MYT1L: variants seen among roughly 807,000 people sequenced by gnomAD.
The protein encoded by MYT1L is myelin transcription factor 1-like protein.
MYT1L carries 12 observed loss-of-function variants against 126.7 expected under a neutral mutation model. The ratio of observed to expected loss-of-function variants is 0.09; its 90% CI spans 0.06 to 0.15. The LOEUF (loss-of-function observed/expected upper bound fraction) is 0.15. Among genes scored for constraint, MYT1L ranks in the 10% least tolerant of loss-of-function variants. The pLI is 1.00. For missense variants in MYT1L, 979 were observed against 1,585.2 expected (o/e 0.62, Z 6.49); for synonymous variants, 541 against 604.2 (o/e 0.90, Z 1.53).
At chr2:1,993,843 G>T (rs978002491) in intron 5 of MYT1L, among the ~76,000 whole-genome samples, 1 of 152,110 alleles carries the variant, frequency 6.6e-6, no homozygotes, top group African/African-American at 2.4e-5. Context: ...CACGTGTCTC[G>T]TCATTTCCTG....
intron 2 of MYT1L, among the ~76,000 whole-genome samples, chr2:2,257,152 G>A (rs1227205780): frequency 6.6e-6 from 1 of 152,040 alleles, no homozygotes; most frequent in Non-Finnish European, 1.5e-5. Flanking sequence ...GGCTGATCAG[G>A]GCACCCCACT....
intron 2 of MYT1L, among the ~76,000 whole-genome samples, chr2:2,196,620 GAA>G (rs1364115972): frequency 6.6e-6 from 1 of 151,694 alleles, no homozygotes; most frequent in Non-Finnish European, 1.5e-5. Context: ...CAAATAGGGG[GAA>G]GTAGTTGGAG....
rs565609175 is a variant in MYT1L, at chr2:2,230,504, T to A, written c.-421+53900A>T. ...CAGAATTCTTGTTCGGTGACTATTA[T>A]GGGTCTTGCTGAGTTAGGATGGTAG... is the stretch of plus-strand genomic sequence containing the variant. On this transcript the variant is annotated intron_variant, in intron 2 of 24. Transcript: ENST00000647738. Among the ~76,000 whole-genome samples the A allele has an allele frequency of 7.9e-5, 12 of 152,362 alleles. No individual in the cohort carries two copies. The East Asian group carries it at 2.3e-3, about 29-fold the overall frequency.
rs1412482129 is a variant in MYT1L, at chr2:2,239,568, G to A, written c.-421+44836C>T. On this transcript the variant is annotated intron_variant, in intron 2 of 24. Coordinates refer to ENST00000647738, the MANE Select transcript of MYT1L (RefSeq NM_001303052.2). ...AAACTCTGAAGTCGGGATGGGCAAC[G>A]TCCTTCGGGGTTTACATGGGGGATA... 3.9e-5 allele frequency among the ~76,000 whole-genome samples: 6 copies of A among 152,212 alleles called. No homozygotes were observed. In the East Asian group the frequency reaches 5.8e-4, roughly 15 times the overall value.
chr2:2,046,930 T>C (rs971927878), intron 4 of MYT1L, among the ~76,000 whole-genome samples: 4 of 152,234 alleles, frequency 2.6e-5, no homozygotes, highest in South Asian at 2.1e-4. Context: ...TTGGAAGTTA[T>C]GGTGTCATGA....
At chr2:2,185,105 G>C (rs1476550050) in intron 2 of MYT1L, among the ~76,000 whole-genome samples, 3 of 152,054 alleles carry the variant, frequency 2.0e-5, no homozygotes, top group Non-Finnish European at 2.9e-5. Flanking sequence ...TCACCAGCCA[G>C]CAACTCTTCC....
chr2:2,323,818 A>G (rs1415977816), intron 1 of MYT1L, among the ~76,000 whole-genome samples: 1 of 152,228 alleles, frequency 6.6e-6, no homozygotes, highest in Non-Finnish European at 1.5e-5. Context: ...GTTGCTGGTT[A>G]AATTAGCTAA....
chr2:1,904,912 G>A (rs2050839978), intron 13 of MYT1L, among the ~76,000 whole-genome samples: 1 of 151,668 alleles, frequency 6.6e-6, no homozygotes, highest in Non-Finnish European at 1.5e-5. Flanking sequence ...TCCTGCCTCA[G>A]CCTCTCGAGT....
intron 4 of MYT1L, among the ~76,000 whole-genome samples, chr2:2,033,001 C>T (rs1240484954): frequency 7.0e-6 from 1 of 142,618 alleles, no homozygotes; most frequent in Non-Finnish European, 1.5e-5. Context: ...CACCCCCTCG[C>T]CAGTGCCTCT....
At chr2:1,827,421 G>A (rs1184633471) in intron 21 of MYT1L, 2 of 152,180 alleles carry the variant, frequency 1.3e-5, no homozygotes, top group African/African-American at 4.8e-5. Context: ...CACCGGGCCT[G>A]GAGGAGCCCC....
chr2:2,282,192 T>G (rs1005667136), intron 2 of MYT1L, among the ~76,000 whole-genome samples: 1 of 152,242 alleles, frequency 6.6e-6, no homozygotes, highest in African/African-American at 2.4e-5. Context: ...ATCTGGATCA[T>G]GTTCTATCAT....
intron 4 of MYT1L, among the ~76,000 whole-genome samples, chr2:2,046,993 T>G (rs2068261812): frequency 6.6e-6 from 1 of 152,234 alleles, no homozygotes; most frequent in South Asian, 2.1e-4. Flanking sequence ...CTGAATTGTC[T>G]TCCATATCCT....
chr2:1,886,300 C>T (rs2048163862), intron 18 of MYT1L: 1 of 376,966 alleles, frequency 2.7e-6, no homozygotes. Context: ...TAGGATATCC[C>T]AGATAGGAAG....
chr2:2,190,817 C>T (rs2148736229), intron 2 of MYT1L, among the ~76,000 whole-genome samples: 1 of 152,254 alleles, frequency 6.6e-6, no homozygotes, highest in Admixed American at 6.5e-5. Context: ...CAGAGTTTCA[C>T]TCTTGTTTCC....
chr2:1,924,231 C>T (rs150037917), intron 9 of MYT1L, among the ~76,000 whole-genome samples: 1 of 152,326 alleles, frequency 6.6e-6, no homozygotes, highest in African/African-American at 2.4e-5. Flanking sequence ...TTATCTCAAA[C>T]ATATTCTGTT....
intron 13 of MYT1L, among the ~76,000 whole-genome samples, chr2:1,909,875 C>T (rs1322215056): frequency 6.6e-6 from 1 of 152,168 alleles, no homozygotes; most frequent in African/African-American, 2.4e-5. Context: ...TGGTGTGAGG[C>T]CCTATCCTGC....
At chr2:1,996,842 G>A (rs2061912994) in intron 5 of MYT1L, among the ~76,000 whole-genome samples, 1 of 146,326 alleles carries the variant, frequency 6.8e-6, no homozygotes, top group South Asian at 2.2e-4. Flanking sequence ...AGTGTAGACG[G>A]GCCGCCTTTA....
intron 2 of MYT1L, among the ~76,000 whole-genome samples, chr2:2,268,438 G>C (rs1211827311): frequency 2.0e-5 from 3 of 152,160 alleles, no homozygotes; most frequent in Admixed American, 2.0e-4. Flanking sequence ...TTTATTTTAA[G>C]GTCAGTTTTT....
intron 3 of MYT1L, among the ~76,000 whole-genome samples, chr2:2,122,748 G>A (rs1001505025): frequency 9.9e-5 from 15 of 152,096 alleles, no homozygotes; most frequent in African/African-American, 3.6e-4. Context: ...ACAACTTACT[G>A]TCCTTCCGCA....
Sources: allele counts gnomAD v4.1 joint callset (sites outside exome capture counted in the v4.1 genomes callset), GRCh38; gene constraint gnomAD v4.1.1; transcripts MANE v1.5; gene names NCBI Gene and HGNC (gene_info 2026-07-23, HGNC 2026-07-21).